PPP2R3A: variants seen among roughly 807,000 people sequenced by gnomAD.
PPP2R3A encodes protein phosphatase 2 regulatory subunit B''alpha.
PPP2R3A carries 80 observed loss-of-function variants against 106.9 expected under a neutral mutation model. The ratio of observed to expected loss-of-function variants is 0.75; its 90% confidence interval spans 0.62 to 0.90. The LOEUF is 0.90. Among genes scored for constraint, PPP2R3A ranks in the 40% least tolerant of loss-of-function variants. PPP2R3A has a pLI of 0.00. For missense variants in PPP2R3A, 1,386 were observed against 1,350.4 expected (o/e 1.03, Z -0.41); for synonymous variants, 483 against 468.3 (o/e 1.03, Z -0.41).
intron 1 of PPP2R3A, among the ~76,000 whole-genome samples, chr3:135,981,368 A>G (rs760880544): frequency 6.6e-6 from 1 of 151,746 alleles, no homozygotes; most frequent in African/African-American, 2.4e-5. Context: ...AGAAAATGCT[A>G]TATTTTTTCA....
rs1937992299 is a variant in PPP2R3A, at chr3:136,121,422, G to A, written c.3329+15100G>A. On this transcript the variant is annotated intron_variant, in intron 13 of 13. Transcript: ENST00000264977. ...ACAAAGAAGGGAACAGTAGACACCA[G>A]GGCCTGCTTGAGGGTAGAGGATAGG... 2.0e-5 allele frequency among the ~76,000 whole-genome samples: 3 copies of A among 152,172 alleles called. No individual in the cohort carries two copies. In the South Asian group the frequency reaches 6.2e-4, roughly 32 times the overall value.
chr3:136,034,352 G>A (rs1445248702), intron 3 of PPP2R3A, among the ~76,000 whole-genome samples: 1 of 152,160 alleles, frequency 6.6e-6, no homozygotes, highest in Non-Finnish European at 1.5e-5. Flanking sequence ...TTTGATGTAG[G>A]CGTTTAGGGC....
At chr3:136,133,906 A>AT in intron 13 of PPP2R3A, among the ~76,000 whole-genome samples, 1 of 150,940 alleles carries the variant, frequency 6.6e-6, no homozygotes, top group East Asian at 1.9e-4. Context: ...AAAAAAAAAA[A>AT]AAGAAATTTA....
At chr3:136,042,505 A>T (rs1454781074) in intron 4 of PPP2R3A, among the ~76,000 whole-genome samples, 1 of 152,216 alleles carries the variant, frequency 6.6e-6, no homozygotes, top group Non-Finnish European at 1.5e-5. Context: ...AAAATAAAAA[A>T]ATTTTTTTAA....
intron 5 of PPP2R3A, among the ~76,000 whole-genome samples, chr3:136,070,095 C>T (rs1936379190): frequency 6.6e-6 from 1 of 152,046 alleles, no homozygotes; most frequent in African/African-American, 2.4e-5. Flanking sequence ...TTTTCATTGG[C>T]TTGCATCTAC....
chr3:135,979,384 A>G (rs1937508839), intron 1 of PPP2R3A, among the ~76,000 whole-genome samples: 1 of 151,758 alleles, frequency 6.6e-6, no homozygotes, highest in Non-Finnish European at 1.5e-5. Flanking sequence ...AAAAAAAAAA[A>G]AGATTTATTT....
At chr3:135,995,447 A>ATTTTTTTTTTTT (rs60359404) in intron 1 of PPP2R3A, among the ~76,000 whole-genome samples, 1 of 87,306 alleles carries the variant, frequency 1.1e-5, no homozygotes, top group Non-Finnish European at 2.1e-5. Flanking sequence ...ACGTTGACAG[A>ATTTTTTTTTTTT]TTTTTTTTTT....
chr3:135,999,782 AT>A (rs1216780829), intron 1 of PPP2R3A, among the ~76,000 whole-genome samples: 1 of 151,356 alleles, frequency 6.6e-6, no homozygotes, highest in African/African-American at 2.4e-5. Flanking sequence ...TTTTATTTTT[AT>A]TTTTTTCTGA....
At chr3:136,071,499 C>G (rs529929329) in intron 6 of PPP2R3A, among the ~76,000 whole-genome samples, 2 of 152,122 alleles carry the variant, frequency 1.3e-5, no homozygotes, top group Non-Finnish European at 2.9e-5. Flanking sequence ...TCCTGTTAAC[C>G]GTGACACTCT....
intron 3 of PPP2R3A, among the ~76,000 whole-genome samples, chr3:136,037,581 G>A (rs576917348): frequency 6.6e-6 from 1 of 152,306 alleles, no homozygotes; most frequent in Non-Finnish European, 1.5e-5. Flanking sequence ...CTGGAAGGTA[G>A]CCTCTCTGTA....
chr3:136,128,132 CATA>C (rs906402199), intron 13 of PPP2R3A, among the ~76,000 whole-genome samples: 40 of 152,154 alleles, frequency 2.6e-4, no homozygotes, highest in Admixed American at 9.8e-4. Context: ...CAGTGAACAT[CATA>C]ATGACAGGAT....
chr3:136,131,695 T>C (rs968984040), intron 13 of PPP2R3A, among the ~76,000 whole-genome samples: 3 of 151,958 alleles, frequency 2.0e-5, no homozygotes, highest in African/African-American at 7.2e-5. Flanking sequence ...ATCATGCTGC[T>C]TAGACACATA....
chr3:136,086,363 T>A (rs1322306815), intron 8 of PPP2R3A, among the ~76,000 whole-genome samples: 2 of 151,952 alleles, frequency 1.3e-5, no homozygotes, highest in African/African-American at 4.8e-5. Context: ...GTGCCTGTAA[T>A]CCTAGCTACT....
intron 13 of PPP2R3A, among the ~76,000 whole-genome samples, chr3:136,142,664 A>G (rs1317360897): frequency 1.3e-5 from 2 of 152,194 alleles, no homozygotes; most frequent in South Asian, 4.1e-4. Context: ...GGTCTCCATT[A>G]GGCTTCAAGT....
At chr3:136,005,301 C>T (rs781631460) in intron 2 of PPP2R3A, among the ~76,000 whole-genome samples, 1 of 152,088 alleles carries the variant, frequency 6.6e-6, no homozygotes, top group Non-Finnish European at 1.5e-5. Flanking sequence ...ATTCCAAAAT[C>T]CAAAAAAATT....
chr3:136,055,320 C>CA (rs1935824153), intron 5 of PPP2R3A: 2 of 915,766 alleles, frequency 2.2e-6, no homozygotes, highest in African/African-American at 3.2e-5. Flanking sequence ...AACATCTTTA[C>CA]ATTGCTCAAT....
chr3:136,139,854 A>T (rs1938785290), intron 13 of PPP2R3A, among the ~76,000 whole-genome samples: 2 of 151,058 alleles, frequency 1.3e-5, no homozygotes, highest in African/African-American at 4.9e-5. Flanking sequence ...AAAATAAAAA[A>T]AATTAGCTAG....
Position 136,052,461 on chromosome 3 carries a change from C to T in PPP2R3A, c.2469+3100C>T, listed in dbSNP as rs35125684. On this transcript the variant is annotated intron_variant, in intron 5 of 13. Transcript: ENST00000264977. Reference sequence around the variant, plus strand: ...CCCCTTGTTCCTTTGGCCCTCAGGACTATAACAGTATCCTCCTGTCAGTAG... The same window carrying T: ...CCCCTTGTTCCTTTGGCCCTCAGGATTATAACAGTATCCTCCTGTCAGTAG... Among the ~76,000 whole-genome samples, 1,505 of 152,282 alleles carry T rather than the reference C, an allele frequency of 9.9e-3. 10 individuals are homozygous for T. Among genetic ancestry groups the T allele is most frequent in the Non-Finnish European group, 0.014 (980 of 68,034 alleles).
At chr3:136,052,092 C>A (rs1034979683) in intron 5 of PPP2R3A, among the ~76,000 whole-genome samples, 1 of 152,074 alleles carries the variant, frequency 6.6e-6, no homozygotes, top group Admixed American at 6.6e-5. Flanking sequence ...ATTAAATATT[C>A]CTATGTTTTG....
Sources: allele counts gnomAD v4.1 joint callset (sites outside exome capture counted in the v4.1 genomes callset), GRCh38; gene constraint gnomAD v4.1.1; transcripts MANE v1.5; gene names NCBI Gene and HGNC (gene_info 2026-07-23, HGNC 2026-07-21).